CCSER1: variants seen among roughly 807,000 people sequenced by gnomAD.
CCSER1 encodes the protein coiled-coil serine rich protein 1.
A neutral mutation model predicts 82.0 loss-of-function variants in CCSER1; 41 were observed. The observed-to-expected ratio is 0.50, with a 90% CI of 0.39 to 0.65. The LOEUF (loss-of-function observed/expected upper bound fraction) is 0.65. Among genes scored for constraint, CCSER1 ranks in the 30% least tolerant of loss-of-function variants. The pLI, the probability that CCSER1 is intolerant of heterozygous loss-of-function variation, is 0.00. For missense variants in CCSER1, 1,119 were observed against 1,064.2 expected (o/e 1.05, Z -0.72); for synonymous variants, 414 against 383.9 (o/e 1.08, Z -0.92).
chr4:91,163,279 C>T (rs768199459), intron 10 of CCSER1, among the ~76,000 whole-genome samples: 1 of 152,192 alleles, frequency 6.6e-6, no homozygotes, highest in Admixed American at 6.5e-5. Context: ...AGTTTGAGTA[C>T]ACTATGGTCT....
chr4:91,199,744 T>C (rs1456847295), intron 10 of CCSER1, among the ~76,000 whole-genome samples: 1 of 152,050 alleles, frequency 6.6e-6, no homozygotes, highest in East Asian at 1.9e-4. Context: ...TCCTAAAGAT[T>C]AGCTTTACTT....
At chr4:91,240,324 A>G (rs1739310171) in intron 10 of CCSER1, among the ~76,000 whole-genome samples, 1 of 61,394 alleles carries the variant, frequency 1.6e-5, no homozygotes, top group Non-Finnish European at 2.8e-5. Context: ...GATCCCCCCC[A>G]CCTCAGCCTC....
chr4:91,292,286 A>G (rs1743810016), intron 10 of CCSER1, among the ~76,000 whole-genome samples: 1 of 152,004 alleles, frequency 6.6e-6, no homozygotes, highest in Admixed American at 6.6e-5. Flanking sequence ...TAAATCAAAC[A>G]AAATTCATGA....
chr4:91,597,089 T>C (rs1040993082), intron 10 of CCSER1, among the ~76,000 whole-genome samples: 3 of 152,088 alleles, frequency 2.0e-5, no homozygotes, highest in Middle Eastern at 3.4e-3. Flanking sequence ...TAGAAAAATG[T>C]GATGAAGTTT....
intron 9 of CCSER1, among the ~76,000 whole-genome samples, chr4:90,952,580 A>T (rs1733024447): frequency 6.6e-6 from 1 of 152,056 alleles, no homozygotes; most frequent in African/African-American, 2.4e-5. Flanking sequence ...TAAAAATGGG[A>T]CTTGTTTACT....
Position 91,601,069 on chromosome 4 carries a change from A to G in CCSER1, c.*2012A>G, listed in dbSNP as rs954976050. On this transcript the variant is annotated 3_prime_UTR_variant, in exon 11 of 11. Transcript: ENST00000509176. The stretch of plus-strand genomic sequence containing the variant: ...ATTTTAAATCTGTACATAAATAAGC[A>G]TGATAAAATAATCAAGGATTTTTTC... 2 of 152,126 alleles carry G rather than the reference A, an allele frequency of 1.3e-5. No homozygotes were observed. The highest frequency in any genetic ancestry group is 1.5e-5 in the Non-Finnish European group (1 of 67,998). The allele number at this position is 152,126 out of a possible 1,614,324, so 9.4% of individuals were successfully genotyped here.
chr4:91,013,173 T>C (rs1327512121), intron 9 of CCSER1, among the ~76,000 whole-genome samples: 3 of 134,690 alleles, frequency 2.2e-5, no homozygotes, highest in African/African-American at 7.4e-5. Flanking sequence ...TGTCACACTC[T>C]CTTTTCCAGG....
intron 1 of CCSER1, among the ~76,000 whole-genome samples, chr4:90,297,690 G>A (rs912282258): frequency 2.0e-5 from 3 of 151,848 alleles, no homozygotes; most frequent in East Asian, 1.9e-4. Context: ...TTTATTGAGA[G>A]TTTTTAGCAT....
At chr4:90,439,879 T>C (rs1759599454) in intron 4 of CCSER1, among the ~76,000 whole-genome samples, 3 of 152,222 alleles carry the variant, frequency 2.0e-5, no homozygotes, top group Non-Finnish European at 2.9e-5. Flanking sequence ...GTATTTTATG[T>C]CACCCTCAAG....
intron 10 of CCSER1, among the ~76,000 whole-genome samples, chr4:91,507,420 CT>C (rs1759558814): frequency 6.6e-6 from 1 of 151,866 alleles, no homozygotes; most frequent in Non-Finnish European, 1.5e-5. Context: ...ATTTGCATAT[CT>C]TTTATTTATT....
At chr4:91,166,295 C>T (rs1581689858) in intron 10 of CCSER1, among the ~76,000 whole-genome samples, 1 of 152,030 alleles carries the variant, frequency 6.6e-6, no homozygotes, top group Admixed American at 6.6e-5. Flanking sequence ...TCCATTTGTT[C>T]ATTAATTCAG....
intron 10 of CCSER1, among the ~76,000 whole-genome samples, chr4:91,179,938 G>C (rs1465178855): frequency 6.6e-6 from 1 of 152,134 alleles, no homozygotes; most frequent in Non-Finnish European, 1.5e-5. Flanking sequence ...CATCTTTTTG[G>C]TTTTATCTAC....
intron 10 of CCSER1, among the ~76,000 whole-genome samples, chr4:91,435,276 C>T (rs1370973577): frequency 2.0e-5 from 3 of 151,886 alleles, no homozygotes; most frequent in Non-Finnish European, 4.4e-5. Flanking sequence ...TCTGTCTCTA[C>T]AAAAAATATT....
chr4:90,635,065 TG>T (rs1447833587), intron 6 of CCSER1, among the ~76,000 whole-genome samples: 5 of 151,658 alleles, frequency 3.3e-5, no homozygotes, highest in Non-Finnish European at 7.4e-5. Flanking sequence ...CAATACACAA[TG>T]CAAAAACTGA....
At chr4:90,177,106 G>T (rs1732851719) in intron 1 of CCSER1, among the ~76,000 whole-genome samples, 1 of 152,018 alleles carries the variant, frequency 6.6e-6, no homozygotes, top group African/African-American at 2.4e-5. Context: ...CAGACAAACT[G>T]TGCATCCAGG....
intron 10 of CCSER1, among the ~76,000 whole-genome samples, chr4:91,282,063 G>A (rs994454016): frequency 7.9e-5 from 12 of 151,886 alleles, no homozygotes; most frequent in East Asian, 3.9e-4. Flanking sequence ...TGTTTTTGTC[G>A]CAAATATTGG....
At chr4:90,407,385 T>C (rs1236886076) in intron 4 of CCSER1, among the ~76,000 whole-genome samples, 1 of 152,172 alleles carries the variant, frequency 6.6e-6, no homozygotes, top group Non-Finnish European at 1.5e-5. Context: ...AAAAAAAGTT[T>C]AGGACCAGAT....
intron 7 of CCSER1, chr4:90,780,344 G>T: frequency 8.1e-7 from 1 of 1,234,972 alleles, no homozygotes; most frequent in Non-Finnish European, 1.1e-6. Flanking sequence ...TTATCTTTAA[G>T]AACATTTAAG....
chr4:91,574,587 T>C (rs1208847501), intron 10 of CCSER1, among the ~76,000 whole-genome samples: 1 of 152,082 alleles, frequency 6.6e-6, no homozygotes, highest in Non-Finnish European at 1.5e-5. Flanking sequence ...ATTATGTCAT[T>C]TGCAGCAACA....
Sources: gnomAD v4.1 joint callset for allele counts (sites outside exome capture counted in the v4.1 genomes callset) on GRCh38, gnomAD v4.1.1 for gene constraint, MANE v1.5 for transcripts, NCBI Gene and HGNC (gene_info 2026-07-23, HGNC 2026-07-21) for gene names.